EPHA6: variants seen among roughly 807,000 people sequenced by gnomAD.
EPHA6 encodes EPH receptor A6, also known as ephrin type-A receptor 6.
A neutral mutation model predicts 112.0 loss-of-function variants in EPHA6; 50 were observed. The ratio of observed to expected loss-of-function variants is 0.45; its 90% CI spans 0.36 to 0.56. EPHA6 has a LOEUF of 0.56. Ranked by LOEUF, EPHA6 falls within the 20% of genes least tolerant of loss-of-function variation. The pLI is 0.00. For synonymous variants in EPHA6, 529 were observed against 490.7 expected (o/e 1.08, Z -1.03); for missense variants, 1,280 against 1,417.4 (o/e 0.90, Z 1.56).
intron 11 of EPHA6, among the ~76,000 whole-genome samples, chr3:97,591,907 G>A (rs2093548458): frequency 6.6e-6 from 1 of 152,068 alleles, no homozygotes; most frequent in Non-Finnish European, 1.5e-5. Flanking sequence ...TTAACTAGAT[G>A]ATCTCTACAC....
intron 11 of EPHA6, among the ~76,000 whole-genome samples, chr3:97,544,903 T>C (rs947850375): frequency 6.6e-6 from 1 of 152,244 alleles, no homozygotes; most frequent in African/African-American, 2.4e-5. Flanking sequence ...TATTCTCTGA[T>C]GGTAGTTTGT....
At chr3:97,678,374 G>T (rs1307349680) in intron 14 of EPHA6, among the ~76,000 whole-genome samples, 1 of 152,116 alleles carries the variant, frequency 6.6e-6, no homozygotes, top group Non-Finnish European at 1.5e-5. Context: ...AGGTTCAGAG[G>T]GTGCAGTTGG....
intron 3 of EPHA6, among the ~76,000 whole-genome samples, chr3:97,177,245 G>T (rs544817079): frequency 1.3e-5 from 2 of 151,996 alleles, no homozygotes; most frequent in South Asian, 4.1e-4. Context: ...GAAGATGCTT[G>T]ATATGATTTC....
intron 10 of EPHA6, among the ~76,000 whole-genome samples, chr3:97,496,610 T>C (rs182410815): frequency 3.9e-4 from 59 of 152,290 alleles, no homozygotes; most frequent in Admixed American, 1.5e-3. Context: ...CTTGTACAAC[T>C]GATAATTCTG....
intron 5 of EPHA6, among the ~76,000 whole-genome samples, chr3:97,295,554 ATT>A (rs201395783): frequency 5.0e-4 from 69 of 137,130 alleles, no homozygotes; most frequent in African/African-American, 1.4e-3. Flanking sequence ...AATATTTTGA[ATT>A]TTTTTTTTTT....
chr3:97,124,389 A>G (rs997874379), intron 3 of EPHA6, among the ~76,000 whole-genome samples: 1 of 151,966 alleles, frequency 6.6e-6, no homozygotes, highest in Non-Finnish European at 1.5e-5. Flanking sequence ...ATTTTTAAAT[A>G]TAGAGTTGTG....
At chr3:97,486,734 G>A (rs1271640097) in intron 10 of EPHA6, among the ~76,000 whole-genome samples, 1 of 152,148 alleles carries the variant, frequency 6.6e-6, no homozygotes, top group East Asian at 1.9e-4. Flanking sequence ...CACTTGAGGG[G>A]ACACATTCAA....
chr3:97,178,057 G>A (rs1353793180), intron 3 of EPHA6, among the ~76,000 whole-genome samples: 1 of 151,940 alleles, frequency 6.6e-6, no homozygotes, highest in African/African-American at 2.4e-5. Flanking sequence ...TCTTCCACAA[G>A]TGAAGATGAT....
chr3:97,670,543 T>C lies in EPHA6; in HGVS notation c.2784+32461T>C, dbSNP rs2030706974. Among the ~76,000 whole-genome samples, 7 of 152,322 alleles carry C rather than the reference T, an allele frequency of 4.6e-5. No individual in the cohort carries two copies. The South Asian group carries it at 1.5e-3, about 32-fold the overall frequency. On this transcript the variant is annotated intron_variant, in intron 14 of 17. Coordinates refer to ENST00000389672, the MANE Select transcript of EPHA6 (RefSeq NM_001080448.3). ...ACCTGTTGAATTTATGCAATAGAAC[T>C]AATGTTTTAGGACTATTCTTACTCA...
chr3:97,677,585 G>A lies in EPHA6; in HGVS notation c.2784+39503G>A, dbSNP rs762056906. Among the ~76,000 whole-genome samples the A allele has an allele frequency of 3.3e-5, 5 of 152,242 alleles. No individual in the cohort carries two copies. In the East Asian group the frequency reaches 9.6e-4, roughly 29 times the overall value. ...AAAATACAAAAATTAGCCAGGCATG[G>A]TGGCAGGCGCCTGTAATCCCAGCTA... On this transcript the variant is annotated intron_variant, in intron 14 of 17. Transcript: ENST00000389672.
At chr3:97,251,096 G>C (rs1175088003) in intron 5 of EPHA6, among the ~76,000 whole-genome samples, 1 of 151,958 alleles carries the variant, frequency 6.6e-6, no homozygotes, top group South Asian at 2.1e-4. Context: ...TTGAACTCCC[G>C]ACCTCATGTT....
At chr3:96,817,226 C>G (rs59838163) in intron 1 of EPHA6, among the ~76,000 whole-genome samples, 1,838 of 151,764 alleles carry the variant, frequency 0.012, 34 homozygotes, top group African/African-American at 0.043. Context: ...CTTTTTACAG[C>G]CTAAAGTCAT....
chr3:96,983,547 C>T (rs1444798282), intron 2 of EPHA6, among the ~76,000 whole-genome samples: 1 of 152,078 alleles, frequency 6.6e-6, no homozygotes, highest in Non-Finnish European at 1.5e-5. Flanking sequence ...TTGCTCTTCT[C>T]GAGGAATATC....
intron 7 of EPHA6, among the ~76,000 whole-genome samples, chr3:97,472,674 C>T (rs1470968436): frequency 6.6e-6 from 1 of 151,790 alleles, no homozygotes; most frequent in Non-Finnish European, 1.5e-5. Flanking sequence ...GTTCTTTCCA[C>T]TATTTTGTTG....
intron 3 of EPHA6, among the ~76,000 whole-genome samples, chr3:97,061,030 G>A (rs1451075565): frequency 6.6e-6 from 1 of 151,852 alleles, no homozygotes; most frequent in Admixed American, 6.6e-5. Context: ...GGTAATGGTG[G>A]CTTGGGTGGT....
At chr3:97,111,033 G>A (rs188921801) in intron 3 of EPHA6, among the ~76,000 whole-genome samples, 4 of 152,104 alleles carry the variant, frequency 2.6e-5, no homozygotes, top group African/African-American at 9.6e-5. Flanking sequence ...TAGGGCTTTA[G>A]GAAAAGGTTT....
chr3:97,298,423 A>G (rs1353776263), intron 5 of EPHA6, among the ~76,000 whole-genome samples: 1 of 152,146 alleles, frequency 6.6e-6, no homozygotes, highest in Non-Finnish European at 1.5e-5. Flanking sequence ...ATTTCGTTTC[A>G]CTCTTAGATG....
At chr3:97,568,734 C>T (rs1223845524) in intron 11 of EPHA6, among the ~76,000 whole-genome samples, 1 of 152,086 alleles carries the variant, frequency 6.6e-6, no homozygotes, top group Non-Finnish European at 1.5e-5. Context: ...ATTCATGACA[C>T]TTGTTAAAGA....
intron 3 of EPHA6, among the ~76,000 whole-genome samples, chr3:97,034,757 C>G (rs1424399179): frequency 6.6e-6 from 1 of 151,942 alleles, no homozygotes; most frequent in Non-Finnish European, 1.5e-5. Flanking sequence ...CACACATACA[C>G]ATACAGAGTA....
Sources: allele counts gnomAD v4.1 joint callset (sites outside exome capture counted in the v4.1 genomes callset), GRCh38; gene constraint gnomAD v4.1.1; transcripts MANE v1.5; gene names NCBI Gene and HGNC (gene_info 2026-07-23, HGNC 2026-07-21).